LRBA: variants seen among roughly 807,000 people sequenced by gnomAD.
The protein encoded by LRBA is LPS responsive beige-like anchor protein.
In LRBA, 176 loss-of-function variants were observed where a neutral mutation model predicts 330.0. The ratio of observed to expected loss-of-function variants is 0.53; its 90% CI spans 0.47 to 0.60. The LOEUF (loss-of-function observed/expected upper bound fraction) is 0.60. LRBA is among the 20% of genes least tolerant of loss of function. The pLI is 0.00. For synonymous variants in LRBA, 1,230 were observed against 1,193.0 expected (o/e 1.03, Z -0.64); for missense variants, 3,259 against 3,444.8 (o/e 0.95, Z 1.35).
chr4:150,333,775 T>C (rs766788926), intron 48 of LRBA, among the ~76,000 whole-genome samples: 96 of 152,254 alleles, frequency 6.3e-4, no homozygotes, highest in Non-Finnish European at 1.2e-3. Flanking sequence ...ATCAGTTAAG[T>C]TTAAAAACAT....
At chr4:150,970,922 T>C (rs1052255254) in intron 2 of LRBA, 1 of 152,086 alleles carries the variant, frequency 6.6e-6, no homozygotes, top group African/African-American at 2.4e-5. Flanking sequence ...ACTGGTACTG[T>C]TATTCTCATT....
At chr4:150,832,008 T>C in intron 28 of LRBA, 32 bp from the exon 29 acceptor site, 1 of 1,371,536 alleles carries the variant, frequency 7.3e-7, no homozygotes, top group South Asian at 1.7e-5. Context: ...GTTGATTATG[T>C]AACCATAAAA....
intron 37 of LRBA, among the ~76,000 whole-genome samples, chr4:150,673,799 G>A (rs1782289151): frequency 6.6e-6 from 1 of 151,986 alleles, no homozygotes; most frequent in South Asian, 2.1e-4. Context: ...TTTAATCCGG[G>A]TCCAATCATG....
At chr4:150,659,130 G>C (rs1320054765) in intron 37 of LRBA, among the ~76,000 whole-genome samples, 1 of 136,928 alleles carries the variant, frequency 7.3e-6, no homozygotes, top group Non-Finnish European at 1.6e-5. Context: ...GCCTCTGCCC[G>C]GCCGCCACCC....
intron 40 of LRBA, among the ~76,000 whole-genome samples, chr4:150,586,296 C>T (rs1026564636): frequency 6.6e-6 from 1 of 152,084 alleles, no homozygotes; most frequent in Non-Finnish European, 1.5e-5. Flanking sequence ...ACATACATCT[C>T]CCTCCAACTA....
At chr4:150,955,590 A>T (rs1172426413) in intron 2 of LRBA, among the ~76,000 whole-genome samples, 9 of 147,912 alleles carry the variant, frequency 6.1e-5, no homozygotes, top group Non-Finnish European at 1.3e-4. Context: ...CCCCATCTCA[A>T]TAATAATAAT....
At chr4:150,688,955 C>G (rs1276602313) in intron 36 of LRBA, among the ~76,000 whole-genome samples, 1 of 152,210 alleles carries the variant, frequency 6.6e-6, no homozygotes, top group East Asian at 1.9e-4. Context: ...AATCCCATTA[C>G]TGGGTATACA....
intron 56 of LRBA, among the ~76,000 whole-genome samples, chr4:150,274,551 G>C (rs1002748172): frequency 6.6e-6 from 1 of 152,076 alleles, no homozygotes. Context: ...CCACTAGCCA[G>C]ATTAATACAC....
intron 39 of LRBA, among the ~76,000 whole-genome samples, chr4:150,589,040 TACACAC>T (rs10637563): frequency 2.0e-5 from 3 of 146,854 alleles, no homozygotes; most frequent in African/African-American, 7.7e-5. Context: ...TGTGTGTGTA[TACACAC>T]ACACACACAC....
chr4:150,427,820 A>G (rs1029443569), intron 46 of LRBA, among the ~76,000 whole-genome samples: 1 of 152,034 alleles, frequency 6.6e-6, no homozygotes, highest in African/African-American at 2.4e-5. Flanking sequence ...ATTGCCATCA[A>G]TTATGTTCTA....
At chr4:150,705,161 T>C (rs1273584914) in intron 36 of LRBA, among the ~76,000 whole-genome samples, 2 of 152,164 alleles carry the variant, frequency 1.3e-5, no homozygotes, top group Admixed American at 1.3e-4. Context: ...CAGGGGCTCC[T>C]GATTCTTAAG....
At chr4:150,411,800 G>C (rs1333508738) in intron 47 of LRBA, among the ~76,000 whole-genome samples, 1 of 152,174 alleles carries the variant, frequency 6.6e-6, no homozygotes, top group African/African-American at 2.4e-5. Flanking sequence ...AACCCGATTA[G>C]CACCACAAAA....
intron 30 of LRBA, among the ~76,000 whole-genome samples, chr4:150,826,453 T>C (rs1182690874): frequency 6.6e-6 from 1 of 152,206 alleles, no homozygotes; most frequent in Non-Finnish European, 1.5e-5. Flanking sequence ...ACTGCCCTTA[T>C]CTATTAATAT....
At chr4:150,589,005 G>A (rs1772463914) in intron 39 of LRBA, among the ~76,000 whole-genome samples, 1 of 150,438 alleles carries the variant, frequency 6.6e-6, no homozygotes, top group African/African-American at 2.5e-5. Flanking sequence ...AACTAAAAAT[G>A]TTACATATAT....
intron 40 of LRBA, among the ~76,000 whole-genome samples, chr4:150,503,009 G>A (rs937964979): frequency 6.6e-6 from 1 of 152,228 alleles, no homozygotes; most frequent in South Asian, 2.1e-4. Context: ...TGGGGGAGGG[G>A]TGCCCAACAT....
At chr4:150,639,367 AAAAAAGAAAAAAAAAAAC>A (rs1026112765) in intron 37 of LRBA, among the ~76,000 whole-genome samples, 1 of 148,388 alleles carries the variant, frequency 6.7e-6, no homozygotes, top group Non-Finnish European at 1.5e-5. Context: ...TAATAAAAAA[AAAAAAGAAAAAAAAAAAC>A]AAAGAAAAAA....
chr4:150,920,317 G>C (rs1293900892), intron 5 of LRBA, among the ~76,000 whole-genome samples: 1 of 152,200 alleles, frequency 6.6e-6, no homozygotes, highest in Non-Finnish European at 1.5e-5. Flanking sequence ...GGGAGGCTGA[G>C]GTGGGTGGAT....
chr4:150,335,802 T>G (rs1231832619), intron 48 of LRBA, among the ~76,000 whole-genome samples: 1 of 152,108 alleles, frequency 6.6e-6, no homozygotes, highest in African/African-American at 2.4e-5. Context: ...GTGCAAGCGA[T>G]CCTCCCACCT....
intron 39 of LRBA, among the ~76,000 whole-genome samples, chr4:150,590,283 A>G (rs1349406614): frequency 3.3e-5 from 5 of 151,220 alleles, no homozygotes; most frequent in African/African-American, 1.2e-4. Flanking sequence ...GATTTGAGAG[A>G]GTTACATGCA....
Sources: gnomAD v4.1 joint callset for allele counts (sites outside exome capture counted in the v4.1 genomes callset) on GRCh38, gnomAD v4.1.1 for gene constraint, MANE v1.5 for transcripts, NCBI Gene and HGNC (gene_info 2026-07-23, HGNC 2026-07-21) for gene names.